Variants in GTF3C6 observed in about 807,000 individuals in gnomAD.
The protein encoded by GTF3C6 is general transcription factor 3C polypeptide 6.
In GTF3C6, 11 loss-of-function variants were observed where a neutral mutation model predicts 19.2. The ratio of observed to expected loss-of-function variants is 0.57; its 90% CI spans 0.36 to 0.95. The LOEUF (loss-of-function observed/expected upper bound fraction) is 0.95, where lower values mean the gene tolerates loss of function less well. Ranked by LOEUF, GTF3C6 falls within the 40% of genes least tolerant of loss-of-function variation. The pLI, the probability that GTF3C6 is intolerant of heterozygous loss-of-function variation, is 0.01. For synonymous variants in GTF3C6, 87 were observed against 84.2 expected, an observed-to-expected ratio of 1.03 and a Z score of -0.18; for missense variants, 222 against 254.7, an observed-to-expected ratio of 0.87 and a Z score of 0.87.
At chr6:110,965,133 CTTTTT>C (rs57625165) in intron 5 of GTF3C6, among the ~76,000 whole-genome samples, 27,774 of 125,902 alleles carry the variant, frequency 0.22, 3,526 homozygotes, top group East Asian at 0.63. Context: ...CGCACCCAAC[CTTTTT>C]TTTTTTTTTT....
rs1454008470 is a variant in GTF3C6 at position 110,965,096 on chromosome 6, A to C, written c.362-2414A>C. Among the ~76,000 whole-genome samples, 3 of 148,868 alleles carry C rather than the reference A, an allele frequency of 2.0e-5. No homozygotes were observed. The East Asian group carries it at 5.9e-4, about 29-fold the overall frequency. Reference sequence around the variant, plus strand: ...TGATCCGCCCACCTCAGCCTCCCAAAGTTTTGGGATTACAGGTGTGCACCA... The same window carrying C: ...TGATCCGCCCACCTCAGCCTCCCAACGTTTTGGGATTACAGGTGTGCACCA... On this transcript the variant is annotated intron_variant, in intron 5 of 5. Transcript: ENST00000329970.
chr6:110,963,018 C>T (rs1771184816), intron 5 of GTF3C6, among the ~76,000 whole-genome samples: 1 of 152,090 alleles, frequency 6.6e-6, no homozygotes, highest in Admixed American at 6.6e-5. Flanking sequence ...ACGTCATGAT[C>T]CGCCCGCCTT....
At chr6:110,959,104 T>C in intron 1 of GTF3C6, 68 bp from the exon 2 acceptor site, 1 of 1,173,242 alleles carries the variant, frequency 8.5e-7, no homozygotes, top group South Asian at 1.2e-5. Flanking sequence ...GAAATTTGGC[T>C]TCTTTTGCTA....
At chr6:110,963,951 C>T (rs975784328) in intron 5 of GTF3C6, among the ~76,000 whole-genome samples, 2 of 152,192 alleles carry the variant, frequency 1.3e-5, no homozygotes, top group African/African-American at 2.4e-5. Context: ...ATCAACCTGC[C>T]TCGGCCTCCC....
chr6:110,964,390 G>A (rs549217070), intron 5 of GTF3C6, among the ~76,000 whole-genome samples: 13 of 151,692 alleles, frequency 8.6e-5, no homozygotes, highest in Non-Finnish European at 7.4e-5. Flanking sequence ...GACTACAGGC[G>A]CATGCCACCA....
At chr6:110,966,068 C>T (rs1771225450) in intron 5 of GTF3C6, among the ~76,000 whole-genome samples, 1 of 152,194 alleles carries the variant, frequency 6.6e-6, no homozygotes, top group South Asian at 2.1e-4. Context: ...ATGTTGTCCT[C>T]CTCACAAGAC....
intron 5 of GTF3C6, among the ~76,000 whole-genome samples, chr6:110,966,442 A>G (rs1168322877): frequency 6.6e-6 from 1 of 152,046 alleles, no homozygotes; most frequent in Non-Finnish European, 1.5e-5. Context: ...ATGCTACTGC[A>G]CTCCAGCCTG....
intron 5 of GTF3C6, among the ~76,000 whole-genome samples, chr6:110,965,260 G>A (rs1771216537): frequency 1.3e-5 from 2 of 151,240 alleles, no homozygotes; most frequent in African/African-American, 4.9e-5. Context: ...ACAGTGATGA[G>A]TTCTTAATTT....
At chr6:110,961,278 G>T (rs1343253274) in intron 4 of GTF3C6, among the ~76,000 whole-genome samples, 3 of 151,552 alleles carry the variant, frequency 2.0e-5, no homozygotes, top group Admixed American at 6.6e-5. Context: ...AGCCTCCCGA[G>T]TAGCTGGGAT....
Position 110,960,401 on chromosome 6 carries a change from T to C in GTF3C6, c.139-13T>C, listed in dbSNP as rs924867127. On this transcript the variant is annotated splice_polypyrimidine_tract_variant and intron_variant, in intron 2 of 5. Transcript: ENST00000329970. Reference sequence around the variant, plus strand: ...ATTATGTTTTTTTTTTATGATCCTTTATTCTGTTGTAGGGCATTGACACTG... The same window carrying C: ...ATTATGTTTTTTTTTTATGATCCTTCATTCTGTTGTAGGGCATTGACACTG... 6.9e-6 allele frequency: 11 copies of C among 1,592,454 alleles called. No homozygotes were observed. Among genetic ancestry groups the C allele is most frequent in the Non-Finnish European group, 9.4e-6 (11 of 1,172,668 alleles).
At chr6:110,963,174 T>G (rs1020385703) in intron 5 of GTF3C6, among the ~76,000 whole-genome samples, 4 of 152,028 alleles carry the variant, frequency 2.6e-5, no homozygotes, top group African/African-American at 9.7e-5. Flanking sequence ...TACCTTGGCC[T>G]ACAAAGTGCT....
rs117671020 is a variant in GTF3C6 at position 110,959,699 on chromosome 6, C to T, written c.138+447C>T. ...AAAAATGGCCAGGCGCGGTGGCTCA[C>T]GCCTGTAATCCCAATACTGGGAGGC... On this transcript the variant is annotated intron_variant, in intron 2 of 5. Coordinates refer to ENST00000329970, the MANE Select transcript of GTF3C6 (RefSeq NM_138408.4). 4.5e-4 allele frequency among the ~76,000 whole-genome samples: 68 copies of T among 152,224 alleles called. No individual in the cohort carries two copies. In the East Asian group the frequency reaches 0.013, roughly 29 times the overall value.
chr6:110,967,547 C>A lies in GTF3C6; in HGVS notation c.399C>A (p.Phe133Leu), dbSNP rs1239917299. 1 of 1,613,654 alleles carries A rather than the reference C, an allele frequency of 6.2e-7. No homozygotes were observed. The highest frequency in any genetic ancestry group is 2.2e-5 in the East Asian group (1 of 44,862). The change falls in exon 6 of 6, where the codon TTC becomes TTA. Residue 133 changes from phenylalanine to leucine, a missense_variant. Phe to Leu is a conservative substitution (Grantham distance 22). Transcript: ENST00000329970. ...GGCTGCAAATAAAGGATAATGATTT[C>A]TCCTATCGACCCAACATGATTTGTA... ...VEWLQIKDNDFSYRPNMICNF... is the reference protein window; with the variant it reads ...VEWLQIKDNDLSYRPNMICNF...
intron 1 of GTF3C6, 105 bp downstream of exon 1, chr6:110,958,931 A>G (rs61367166): frequency 0.047 from 59,906 of 1,275,256 alleles, 5,349 homozygotes; most frequent in East Asian, 0.46. Flanking sequence ...GGGAGGCCCC[A>G]CTGCTCCTCA....
chr6:110,959,072 G>C (rs1355416130), intron 1 of GTF3C6, 100 bp from the exon 2 acceptor site: 1 of 940,602 alleles, frequency 1.1e-6, no homozygotes, highest in Non-Finnish European at 1.7e-6. Context: ...CTGAAAACAG[G>C]GTCCGGTTTT....
chr6:110,965,083 C>G (rs1771213903), intron 5 of GTF3C6, among the ~76,000 whole-genome samples: 1 of 151,590 alleles, frequency 6.6e-6, no homozygotes, highest in Admixed American at 6.6e-5. Context: ...ATCCGCCCAC[C>G]TCAGCCTCCC....
At chr6:110,962,228 T>G (rs1244541163) in intron 4 of GTF3C6, among the ~76,000 whole-genome samples, 164 bp from the exon 5 acceptor site, 1 of 152,150 alleles carries the variant, frequency 6.6e-6, no homozygotes, top group African/African-American at 2.4e-5. Flanking sequence ...ATCTATCATT[T>G]TTCTATGCTT....
At chr6:110,967,158 A>T (rs545858230) in intron 5 of GTF3C6, among the ~76,000 whole-genome samples, 1 of 152,250 alleles carries the variant, frequency 6.6e-6, no homozygotes, top group East Asian at 1.9e-4. Flanking sequence ...TGTCTTAAAA[A>T]AAAAAACATT....
intron 5 of GTF3C6, among the ~76,000 whole-genome samples, chr6:110,962,990 G>C (rs1036439697): frequency 3.9e-5 from 6 of 152,112 alleles, no homozygotes; most frequent in Admixed American, 3.9e-4. Context: ...TGTTGGCCAG[G>C]ATGCTCTCAA....
Sources: gnomAD v4.1 joint callset for allele counts (sites outside exome capture counted in the v4.1 genomes callset) on GRCh38, gnomAD v4.1.1 for gene constraint, MANE v1.5 for transcripts, NCBI Gene and HGNC (gene_info 2026-07-23, HGNC 2026-07-21) for gene names.